RPS6KA6: variants seen among roughly 807,000 people sequenced by gnomAD.
RPS6KA6 encodes ribosomal protein S6 kinase alpha-6.
RPS6KA6 carries 27 observed loss-of-function variants against 65.4 expected under a neutral mutation model. The ratio of observed to expected loss-of-function variants is 0.41; its 90% CI spans 0.30 to 0.57. The LOEUF (loss-of-function observed/expected upper bound fraction) is 0.57, where lower values mean the gene tolerates loss of function less well. Ranked by LOEUF, RPS6KA6 falls within the 20% of genes least tolerant of loss-of-function variation. The pLI is 0.24. For synonymous variants in RPS6KA6, 190 were observed against 184.2 expected (o/e 1.03, Z -0.26); for missense variants, 486 against 555.6 (o/e 0.87, Z 1.26).
In RPS6KA6 at chrX:84,062,946, T is replaced by C. The variant is rs764800328; in HGVS notation, c.*1331A>G. ...GTAGTAGTAGTAGTAGTAGTAGTAG[T>C]AGTAGTAGCAGTAGTAGCTGCTGCT... On this transcript the variant is annotated 3_prime_UTR_variant, in exon 22 of 22. Coordinates refer to ENST00000262752, the MANE Select transcript of RPS6KA6 (RefSeq NM_014496.5). 9.2e-6 allele frequency: 1 copy of C among 108,581 alleles called. No individual in the cohort carries two copies. Among genetic ancestry groups the C allele is most frequent in the African/African-American group, 3.3e-5 (1 of 30,154 alleles). The allele number at this position is 108,581 out of a possible 1,213,427, so 8.9% of individuals were successfully genotyped here.
intron 1 of RPS6KA6, among the ~76,000 whole-genome samples, chrX:84,167,534 G>T (rs1321980308): frequency 9.0e-6 from 1 of 111,304 alleles, no homozygotes; most frequent in Non-Finnish European, 1.9e-5. Flanking sequence ...AACGGGTTGG[G>T]GGTAGAGGAA....
chrX:84,133,952 C>A lies in RPS6KA6; in HGVS notation c.646+830G>T, dbSNP rs989613272. On this transcript the variant is annotated intron_variant, in intron 8 of 21. Transcript: ENST00000262752. ...TTGATATTTTATTTTTGCATTGATG[C>A]AGTATACACAGGAATTTAAAGCAAC... is the stretch of plus-strand genomic sequence containing the variant. 2.7e-5 allele frequency among the ~76,000 whole-genome samples: 3 copies of A among 112,246 alleles called. No homozygotes were observed. The Admixed American group carries it at 2.8e-4, about 11-fold the overall frequency.
chrX:84,091,883 G>A (rs1217428141), intron 20 of RPS6KA6, among the ~76,000 whole-genome samples: 1 of 111,673 alleles, frequency 9.0e-6, no homozygotes, highest in East Asian at 2.8e-4. Flanking sequence ...CTGTTGCAGG[G>A]ACATGGATGG....
chrX:84,068,079 T>C lies in RPS6KA6; in HGVS notation c.1972-2968A>G, dbSNP rs974486009. Among the ~76,000 whole-genome samples, 24 of 111,738 alleles carry C rather than the reference T, an allele frequency of 2.1e-4. 1 individual carries two copies. Among genetic ancestry groups the C allele is most frequent in the Admixed American group, 1.9e-3 (20 of 10,518 alleles). On this transcript the variant is annotated intron_variant, in intron 20 of 21. Transcript: ENST00000262752. ...CAGACAAGCAAATGCTGTGAGATTT[T>C]TGTCACCACCAGGTCTGCTTATAAG... is the stretch of plus-strand genomic sequence containing the variant.
chrX:84,082,128 T>C (rs2033812373), intron 20 of RPS6KA6, among the ~76,000 whole-genome samples: 1 of 111,674 alleles, frequency 9.0e-6, no homozygotes, highest in African/African-American at 3.3e-5. Context: ...ATAAAGGGTA[T>C]TCAAATAGGA....
Position 84,096,291 on chromosome X carries a change from C to T in RPS6KA6, c.1874G>A (p.Gly625Asp), listed in dbSNP as rs748999333. The T allele has an allele frequency of 6.1e-6, 7 of 1,149,164 alleles. No homozygotes were observed. Among genetic ancestry groups the T allele is most frequent in the African/African-American group, 1.8e-5 (1 of 55,150 alleles). 94.7% of individuals were successfully genotyped at this position (1,149,164 alleles called of 1,213,427 possible). A position where few individuals can be genotyped will look rare whatever the true frequency, so the allele number is the denominator to read the frequency against. Residue 625 changes from glycine (G) to aspartate (D), a missense_variant, in exon 20 of 22, where the codon GGC becomes GAC. Transcript: ENST00000262752. ...TATCTCTTCAGGAGTATCATTGGGG[C>T]CATTAGCAAATGGAGTGTAGCTATT... The part of the protein sequence containing the change: ...MLAGYTPFAN[G>D]PNDTPEEILL...
intron 20 of RPS6KA6, among the ~76,000 whole-genome samples, chrX:84,070,020 GA>G (rs2033501424): frequency 1.8e-5 from 2 of 111,829 alleles, no homozygotes; most frequent in Admixed American, 1.9e-4. Flanking sequence ...CAAGGATCTA[GA>G]ACCAGAAATA....
chrX:84,135,261 T>C lies in RPS6KA6; in HGVS notation c.502-51A>G, dbSNP rs2034972441. The C allele has an allele frequency of 3.6e-6, 3 of 822,736 alleles. No individual in the cohort carries two copies. The South Asian group carries it at 7.6e-5, about 21-fold the overall frequency. The allele number at this position is 822,736 out of a possible 1,213,427, so 67.8% of individuals were successfully genotyped here. A position where few individuals can be genotyped will look rare whatever the true frequency, so the allele number is the denominator to read the frequency against. ...TTGATCTTTCTTTCAATATTCAGTA[T>C]ATTTAAAAATACTTCTTTCAAAATG... On this transcript the variant is annotated intron_variant, in intron 6 of 21. Coordinates refer to ENST00000262752, the MANE Select transcript of RPS6KA6 (RefSeq NM_014496.5).
At chrX:84,163,704 C>A (rs1272946113) in intron 2 of RPS6KA6, among the ~76,000 whole-genome samples, 2 of 107,736 alleles carry the variant, frequency 1.9e-5, no homozygotes, top group Non-Finnish European at 3.8e-5. Context: ...GAAATAACAA[C>A]CATAAAATAA....
intron 3 of RPS6KA6, among the ~76,000 whole-genome samples, chrX:84,154,850 A>G (rs2035388723): frequency 8.9e-6 from 1 of 111,751 alleles, no homozygotes; most frequent in African/African-American, 3.3e-5. Flanking sequence ...GTTATATTCT[A>G]TAATGCATAA....
intron 1 of RPS6KA6, among the ~76,000 whole-genome samples, chrX:84,175,347 T>C (rs918847636): frequency 9.0e-6 from 1 of 111,441 alleles, no homozygotes; most frequent in Non-Finnish European, 1.9e-5. Context: ...CTTTAAATGA[T>C]CTCTATTATT....
At chrX:84,151,690 C>T (rs1362088491) in intron 3 of RPS6KA6, among the ~76,000 whole-genome samples, 4 of 111,366 alleles carry the variant, frequency 3.6e-5, no homozygotes, top group Non-Finnish European at 7.5e-5. Context: ...ACATGTACTT[C>T]CTATTTCATC....
chrX:84,115,939 G>A (rs1052294098), intron 12 of RPS6KA6, among the ~76,000 whole-genome samples: 4 of 110,820 alleles, frequency 3.6e-5, no homozygotes, highest in African/African-American at 9.9e-5. Context: ...AGACACCGAG[G>A]ACTCCAAAAG....
chrX:84,081,763 C>T (rs888034365), intron 20 of RPS6KA6, among the ~76,000 whole-genome samples: 5 of 111,929 alleles, frequency 4.5e-5, no homozygotes, highest in Non-Finnish European at 9.4e-5. Flanking sequence ...AAGACAGCTT[C>T]ATCCCTGGGA....
Position 84,116,260 on chromosome X carries a change from C to A in RPS6KA6, c.977G>T (p.Arg326Ile), listed in dbSNP as rs752615684. ...LGSEGVEEIK[R>I]HLFFANIDWD... Reference sequence around the variant, plus strand: ...GTCAATATTTGCAAAAAACAGATGTCTTTTGATTTCTTCAACTCCTTCTGA... The same window carrying A: ...GTCAATATTTGCAAAAAACAGATGTATTTTGATTTCTTCAACTCCTTCTGA... The change falls in exon 12 of 22, where the codon AGA becomes ATA. Residue 326 changes from arginine (R) to isoleucine (I), a missense_variant. Physicochemically the swap from Arg to Ile is moderately conservative, Grantham distance 97. Transcript: ENST00000262752. 8.8e-7 allele frequency: 1 copy of A among 1,134,520 alleles called. No homozygotes were observed. The highest frequency in any genetic ancestry group is 1.2e-6 in the Non-Finnish European group (1 of 836,626). The allele number at this position is 1,134,520 out of a possible 1,213,427, so 93.5% of individuals were successfully genotyped here.
intron 20 of RPS6KA6, among the ~76,000 whole-genome samples, chrX:84,065,751 T>C (rs1052519906): frequency 3.6e-5 from 4 of 112,312 alleles, no homozygotes; most frequent in African/African-American, 1.3e-4. Flanking sequence ...GTAATACTTT[T>C]AAATAAACTG....
rs996886125 is a variant in RPS6KA6, at chrX:84,058,846, G to C, written c.*5431C>G. The C allele has an allele frequency of 9.1e-6, 1 of 110,320 alleles. No individual in the cohort carries two copies. Among genetic ancestry groups the C allele is most frequent in the African/African-American group, 3.3e-5 (1 of 30,368 alleles). 9.1% of individuals were successfully genotyped at this position (110,320 alleles called of 1,213,427 possible). ...ATATTTAATATCAGAAATAAGTTTA[G>C]GAATTCAAAAGTGCTTGGGATGTGT... On this transcript the variant is annotated 3_prime_UTR_variant, in exon 22 of 22. Transcript: ENST00000262752.
At chrX:84,083,174 G>C (rs2033840846) in intron 20 of RPS6KA6, among the ~76,000 whole-genome samples, 1 of 112,641 alleles carries the variant, frequency 8.9e-6, no homozygotes, top group Non-Finnish European at 1.9e-5. Flanking sequence ...TACAGAATGG[G>C]AGAAAATTTT....
chrX:84,070,110 T>A (rs1226016092), intron 20 of RPS6KA6, among the ~76,000 whole-genome samples: 1 of 112,036 alleles, frequency 8.9e-6, no homozygotes, highest in Non-Finnish European at 1.9e-5. Flanking sequence ...ACATGCACAT[T>A]TATGTTTATT....
Sources: allele counts gnomAD v4.1 joint callset (sites outside exome capture counted in the v4.1 genomes callset), GRCh38; gene constraint gnomAD v4.1.1; transcripts MANE v1.5; gene names NCBI Gene and HGNC (gene_info 2026-07-23, HGNC 2026-07-21).